Variants in UNC80 observed in about 807,000 individuals in gnomAD.
The protein encoded by UNC80 is unc-80 subunit of NALCN channel complex, also known as protein unc-80 homolog.
Under a neutral mutation model 384.6 loss-of-function variants are expected in UNC80, and 164 were observed. The observed-to-expected ratio is 0.43, with a 90% CI of 0.38 to 0.49. The LOEUF is 0.49. UNC80 is among the 20% of genes least tolerant of loss of function. The pLI is 0.00. For synonymous variants in UNC80, 1,486 were observed against 1,527.8 expected (o/e 0.97, Z 0.64); for missense variants, 3,330 against 4,143.0 (o/e 0.80, Z 5.39).
chr2:209,817,936 A>G lies in UNC80; in HGVS notation c.1677A>G (p.Glu559=). Reference sequence around the variant, plus strand: ...CGGACCCCTCCAACAGCCATGGAGAAAACACCGTCAAGGAAGGTGGGTAGG... The same window carrying G: ...CGGACCCCTCCAACAGCCATGGAGAGAACACCGTCAAGGAAGGTGGGTAGG... The part of the protein sequence containing the change: ...DLPDPSNSHG[E]NTVKEVRSQI... Residue 559 remains glutamate (E), a synonymous_variant, in exon 11 of 65, where the codon GAA becomes GAG. Transcript: ENST00000673920. 1.3e-6 allele frequency: 2 copies of G among 1,551,582 alleles called. No homozygotes were observed. Among genetic ancestry groups the G allele is most frequent in the Non-Finnish European group, 1.7e-6 (2 of 1,146,952 alleles).
intron 54 of UNC80, 123 bp downstream of exon 54, chr2:209,971,080 C>G: frequency 1.5e-6 from 2 of 1,307,362 alleles, no homozygotes; most frequent in Non-Finnish European, 2.0e-6. Context: ...GTAAACATCT[C>G]TAAACTTTTA....
chr2:209,888,620 T>G (rs1027684639), intron 26 of UNC80, among the ~76,000 whole-genome samples: 5 of 152,088 alleles, frequency 3.3e-5, no homozygotes, highest in Non-Finnish European at 7.4e-5. Flanking sequence ...CTTTTTTATT[T>G]GTTTGCTTTT....
At chr2:209,809,551 G>A in intron 7 of UNC80, 1 of 944,066 alleles carries the variant, frequency 1.1e-6, no homozygotes. Flanking sequence ...CAAGCACCAA[G>A]AGTCGGGCTG....
chr2:209,991,326 G>A (rs901127594), intron 61 of UNC80, among the ~76,000 whole-genome samples: 3 of 151,922 alleles, frequency 2.0e-5, no homozygotes, highest in South Asian at 2.1e-4. Context: ...TCATCCCCAC[G>A]CCCATTATAA....
chr2:209,829,403 C>G (rs1313644532), intron 15 of UNC80, 24 bp downstream of exon 15: 1 of 1,550,468 alleles, frequency 6.4e-7, no homozygotes, highest in East Asian at 2.4e-5. Context: ...CACCCAAGTT[C>G]TAGGAGAAGT....
chr2:209,793,580 A>C, intron 6 of UNC80, 140 bp from the exon 7 acceptor site: 1 of 930,404 alleles, frequency 1.1e-6, no homozygotes, highest in Non-Finnish European at 1.5e-6. Context: ...TTGGCCCATA[A>C]TATCATAATT....
At chr2:209,995,189 G>A in intron 64 of UNC80, 140 bp from the exon 65 acceptor site, 1 of 1,103,086 alleles carries the variant, frequency 9.1e-7, no homozygotes, top group Middle Eastern at 3.1e-4. Flanking sequence ...CCTACGTAAG[G>A]TCCTACCTAT....
intron 30 of UNC80, among the ~76,000 whole-genome samples, chr2:209,913,558 C>T (rs558290994): frequency 2.0e-5 from 3 of 152,072 alleles, no homozygotes; most frequent in East Asian, 3.9e-4. Flanking sequence ...ACTCCTTGGT[C>T]GCAAAGCAAT....
Position 209,840,664 on chromosome 2 carries a change from C to T in UNC80, c.3357+16C>T. 6.5e-7 allele frequency: 1 copy of T among 1,545,552 alleles called. No homozygotes were observed. Among genetic ancestry groups the T allele is most frequent in the Non-Finnish European group, 8.8e-7 (1 of 1,141,174 alleles). ...AAGCTCCAAGGTAAACAGGACATAA[C>T]TTGTGTAAGTGACTGTTGAAGTCGC... On this transcript the variant is annotated intron_variant, in intron 20 of 64. Coordinates refer to ENST00000673920, the MANE Select transcript of UNC80 (RefSeq NM_001371986.1).
Position 209,939,475 on chromosome 2 carries a change from T to A in UNC80, c.6469T>A (p.Phe2157Ile). Residue 2157 changes from phenylalanine (F) to isoleucine (I), a missense_variant, in exon 43 of 65, where the codon TTC becomes ATC. By Grantham distance (21) the Phe-to-Ile change is conservative. Transcript: ENST00000673920. ...KGQELIQKQV[F>I]TRKLEEVGRV... The stretch of plus-strand genomic sequence containing the variant: ...CTCCTGCTTTTGTTTTCTCCAGGTG[T>A]TCACCCGAAAGCTGGAAGAAGTAGG... 6.5e-7 allele frequency: 1 copy of A among 1,549,274 alleles called. No homozygotes were observed. Among genetic ancestry groups the A allele is most frequent in the Non-Finnish European group, 8.7e-7 (1 of 1,145,540 alleles).
At chr2:209,967,079 T>C (rs1463361263) in intron 51 of UNC80, among the ~76,000 whole-genome samples, 1 of 152,240 alleles carries the variant, frequency 6.6e-6, no homozygotes, top group African/African-American at 2.4e-5. Flanking sequence ...ATATTTATAA[T>C]ATACATGTAT....
At chr2:209,851,005 A>C (rs1488920794) in intron 22 of UNC80, among the ~76,000 whole-genome samples, 1 of 152,114 alleles carries the variant, frequency 6.6e-6, no homozygotes, top group Non-Finnish European at 1.5e-5. Flanking sequence ...AAATGCAACA[A>C]ATTCATTAGA....
At chr2:209,897,501 C>T (rs2086918672) in intron 28 of UNC80, among the ~76,000 whole-genome samples, 1 of 152,066 alleles carries the variant, frequency 6.6e-6, no homozygotes, top group Non-Finnish European at 1.5e-5. Context: ...TGTTCTTCTC[C>T]TTCACAATGG....
chr2:209,772,510 T>G (rs1382168759), intron 1 of UNC80, among the ~76,000 whole-genome samples: 4 of 152,066 alleles, frequency 2.6e-5, no homozygotes, highest in Non-Finnish European at 5.9e-5. Flanking sequence ...CTCCATCTCC[T>G]GCTGTAATTC....
intron 56 of UNC80, among the ~76,000 whole-genome samples, chr2:209,975,138 T>C (rs2092980827): frequency 6.6e-6 from 1 of 152,224 alleles, no homozygotes; most frequent in African/African-American, 2.4e-5. Context: ...TCTGTGTGCA[T>C]TTAGTCACTC....
Position 209,921,631 on chromosome 2 carries a change from C to G in UNC80, c.5475C>G (p.Thr1825=). The G allele has an allele frequency of 1.3e-6, 2 of 1,551,634 alleles. No homozygotes were observed. The highest frequency in any genetic ancestry group is 1.7e-6 in the Non-Finnish European group (2 of 1,146,964). The part of the protein sequence containing the change: ...EASLITAIPI[T]QEACYEPTCT... ...GCCTCATCACTGCCATCCCCATCAC[C>G]CAGGAGGCTTGCTATGAGCCCACAT... Residue 1825 remains threonine (T), a synonymous_variant, in exon 34 of 65, where the codon ACC becomes ACG. Transcript: ENST00000673920.
intron 4 of UNC80, among the ~76,000 whole-genome samples, chr2:209,781,942 T>A (rs77981002): frequency 0.022 from 3,356 of 152,298 alleles, 124 homozygotes; most frequent in African/African-American, 0.077. Flanking sequence ...CCTTTCACTA[T>A]CCCTCATCCT....
chr2:209,958,499 C>T (rs2092485323), intron 49 of UNC80, among the ~76,000 whole-genome samples: 1 of 152,300 alleles, frequency 6.6e-6, no homozygotes, highest in Non-Finnish European at 1.5e-5. Context: ...CCCTGCTCAT[C>T]ATATATATTC....
At chr2:209,786,788 A>G (rs897048665) in intron 5 of UNC80, among the ~76,000 whole-genome samples, 23 of 151,936 alleles carry the variant, frequency 1.5e-4, no homozygotes, top group African/African-American at 5.1e-4. Flanking sequence ...TTTCCTAAGC[A>G]TTTCCATTTA....
Sources: allele counts gnomAD v4.1 joint callset (sites outside exome capture counted in the v4.1 genomes callset), GRCh38; gene constraint gnomAD v4.1.1; transcripts MANE v1.5; gene names NCBI Gene and HGNC (gene_info 2026-07-23, HGNC 2026-07-21).